The following MYO15A variants were observed in gnomAD, a reference collection of about 807,000 sequenced individuals.
MYO15A encodes unconventional myosin-XV.
A neutral mutation model predicts 394.6 loss-of-function variants in MYO15A; 308 were observed. That is an observed-to-expected ratio of 0.78 (90% CI 0.71 to 0.86). The LOEUF is 0.86. Ranked by LOEUF, MYO15A falls within the 40% of genes least tolerant of loss-of-function variation. The pLI is 0.00. For missense variants in MYO15A, 4,606 were observed against 4,799.1 expected, an observed-to-expected ratio of 0.96 and a Z score of 1.19; for synonymous variants, 1,957 against 2,003.8, an observed-to-expected ratio of 0.98 and a Z score of 0.62.
rs774652661 is a variant in MYO15A at position 18,149,585 on chromosome 17, G to A, written c.7212+5G>A. 1.2e-6 allele frequency: 2 copies of A among 1,613,750 alleles called. No homozygotes were observed. On this transcript the variant is annotated splice_donor_5th_base_variant and intron_variant, in intron 35 of 65. Coordinates refer to ENST00000647165, the MANE Select transcript of MYO15A (RefSeq NM_016239.4). ...GTGCTGTCCTACGGGGATGCGGTAG[G>A]GATGGTGTGGGGTGGGTCATTTGCA...
chr17:18,161,473 A>G, intron 57 of MYO15A, 26 bp downstream of exon 57: 3 of 1,612,042 alleles, frequency 1.9e-6, no homozygotes, highest in Non-Finnish European at 2.5e-6. Context: ...GTGGGAACCC[A>G]GGGCTGCATG....
chr17:18,154,606 C>T (rs1165980293), intron 44 of MYO15A, 74 bp from the exon 45 acceptor site: 5 of 1,495,904 alleles, frequency 3.3e-6, no homozygotes, highest in Non-Finnish European at 3.7e-6. Context: ...TTGCCACTCA[C>T]CCTAGTATAG....
In MYO15A at chr17:18,173,809, A is replaced by T. The variant is rs1232643039; in HGVS notation, c.10379A>T (p.Glu3460Val). 1 of 1,614,024 alleles carries T rather than the reference A, an allele frequency of 6.2e-7. No homozygotes were observed. The highest frequency in any genetic ancestry group is 8.5e-7 in the Non-Finnish European group (1 of 1,180,038). ...HELMVKFPLK[E>V]IQSTRTQRPT... ...TTGATGGTGAAGTTCCCCCTGAAGG[A>T]GATCCAGTCGACGCGGACCCAGCGG... Residue 3460 changes from glutamate (E) to valine (V), a missense_variant, in exon 65 of 66, where the codon GAG becomes GTG. Transcript: ENST00000647165.
chr17:18,154,253 G>GTT, intron 44 of MYO15A, 63 bp downstream of exon 44: 1 of 1,581,836 alleles, frequency 6.3e-7, no homozygotes, highest in Non-Finnish European at 8.7e-7. Flanking sequence ...ACGCAAAGAT[G>GTT]AGCTAGCTGC....
chr17:18,115,734 A>C (rs854770), intron 1 of MYO15A, among the ~76,000 whole-genome samples: 1 of 151,790 alleles, frequency 6.6e-6, no homozygotes, highest in Admixed American at 6.6e-5. Flanking sequence ...GGCCCTGCAC[A>C]TGTGCCCCTG....
At chr17:18,162,335 A>G (rs1006909006) in intron 57 of MYO15A, among the ~76,000 whole-genome samples, 4 of 152,182 alleles carry the variant, frequency 2.6e-5, no homozygotes, top group South Asian at 4.1e-4. Context: ...CAAGGGGACT[A>G]TGGGCTAGAT....
Position 18,119,665 on chromosome 17 carries a change from T to TA in MYO15A, c.866dup (p.Tyr289Ter). The change falls in exon 2 of 66, where the codon TAC (tyrosine) becomes TAAC (stop). Residue 289 changes from tyrosine (Y) to a stop codon, truncating the protein, a stop_gained and frameshift_variant. Coordinates refer to ENST00000647165, the MANE Select transcript of MYO15A (RefSeq NM_016239.4). LOFTEE classifies it high-confidence loss of function. ...YGYPPEDPYD[Y>*]YHPDYYGGPF... ...GTACCCGCCCGAGGATCCCTACGAC[T>TA]ACTACCACCCCGACTATTACGGTGG... The TA allele has an allele frequency of 6.2e-7, 1 of 1,605,844 alleles. No individual in the cohort carries two copies. The highest frequency in any genetic ancestry group is 8.5e-7 in the Non-Finnish European group (1 of 1,179,914).
In MYO15A at chr17:18,119,730, C is replaced by A; in HGVS notation, c.930C>A (p.Asp310Glu). The A allele has an allele frequency of 6.2e-7, 1 of 1,612,480 alleles. No homozygotes were observed. The highest frequency in any genetic ancestry group is 8.5e-7 in the Non-Finnish European group (1 of 1,179,992). The change falls in exon 2 of 66, where the codon GAC becomes GAA. Residue 310 changes from aspartate (D) to glutamate (E), a missense_variant. Physicochemically the swap from Asp to Glu is conservative, Grantham distance 45. Around this residue, in one of 2 missense-constraint regions of MYO15A, gnomAD observed 1,830 missense variants for 1,689.7 expected, o/e 1.08. Coordinates refer to ENST00000647165, the MANE Select transcript of MYO15A (RefSeq NM_016239.4). ...DPGYTYGYGY[D>E]DYEPPYAPPS... ...GGTACACCTACGGCTACGGCTACGA[C>A]GATTACGAACCCCCATATGCGCCCC... is the stretch of plus-strand genomic sequence containing the variant.
chr17:18,167,623 A>C lies in MYO15A; in HGVS notation c.9982A>C (p.Ser3328Arg), dbSNP rs376470294. The C allele has an allele frequency of 8.1e-6, 13 of 1,603,626 alleles. No homozygotes were observed. In the African/African-American group the frequency reaches 1.7e-4, roughly 21 times the overall value. Reference sequence around the variant, plus strand: ...TGACTACCTGAAGGGACTCTTCAGCAGTGTGCCGGCCAGCCGGCCCAGCGA... The same window carrying C: ...TGACTACCTGAAGGGACTCTTCAGCCGTGTGCCGGCCAGCCGGCCCAGCGA... The part of the protein sequence containing the change: ...LPDYLKGLFS[S>R]VPASRPSEQL... Residue 3328 changes from serine (S) to arginine (R), a missense_variant, in exon 62 of 66, where the codon AGT (serine) becomes CGT (arginine). Ser to Arg is a moderately radical substitution (Grantham distance 110). Around this residue, in one of 2 missense-constraint regions of MYO15A, gnomAD observed 2,776 missense variants for 3,109.3 expected, o/e 0.89. Transcript: ENST00000647165.
chr17:18,160,195 G>A (rs1311034495), intron 56 of MYO15A, among the ~76,000 whole-genome samples, 178 bp downstream of exon 56: 1 of 152,196 alleles, frequency 6.6e-6, no homozygotes, highest in African/African-American at 2.4e-5. Context: ...CACCATTTCT[G>A]CTCTCTGAAC....
chr17:18,118,482 G>A, intron 1 of MYO15A, 100 bp from the exon 2 acceptor site: 1 of 419,432 alleles, frequency 2.4e-6, no homozygotes, highest in Admixed American at 3.8e-5. Context: ...ATGTTGCCAT[G>A]ACGACTCCGA....
chr17:18,151,254 C>T lies in MYO15A; in HGVS notation c.7618C>T (p.Pro2540Ser). Residue 2540 changes from proline to serine, a missense_variant, in exon 39 of 66, where the codon CCT becomes TCT. Pro to Ser is a moderately conservative substitution (Grantham distance 74, BLOSUM62 -1). This residue lies in a region of MYO15A where 2,776 missense variants were observed against 3,109.3 expected (regional missense o/e 0.89). Coordinates refer to ENST00000647165, the MANE Select transcript of MYO15A (RefSeq NM_016239.4). ...PRLPIKPVAAPVLAQDQASPE... is the reference protein window; with the variant it reads ...PRLPIKPVAASVLAQDQASPE... ...GCTCCCCATCAAGCCTGTGGCTGCC[C>T]CTGTTCTAGCTCAGGATCAGGCTTC... is the stretch of plus-strand genomic sequence containing the variant. 2.5e-6 allele frequency: 4 copies of T among 1,614,214 alleles called. No individual in the cohort carries two copies. Among genetic ancestry groups the T allele is most frequent in the Non-Finnish European group, 3.4e-6 (4 of 1,180,040 alleles).
In MYO15A at chr17:18,147,752, GC is replaced by G. The variant is rs1367803041; in HGVS notation, c.6510-275del. On this transcript the variant is annotated intron_variant, in intron 30 of 65. Coordinates refer to ENST00000647165, the MANE Select transcript of MYO15A (RefSeq NM_016239.4). The surrounding 1 kb of genome is among the most constrained non-coding windows in gnomAD (Gnocchi z 4.4). ...GCTGGCCTGAGATACTTCTGGACTA[GC>G]CTGGGACCCTTTCAGTTTAGCCGTG... is the stretch of plus-strand genomic sequence containing the variant. Among the ~76,000 whole-genome samples, 1 of 152,140 alleles carries G rather than the reference GC, an allele frequency of 6.6e-6. No individual in the cohort carries two copies. The highest frequency in any genetic ancestry group is 1.5e-5 in the Non-Finnish European group (1 of 68,022).
intron 49 of MYO15A, 24 bp from the exon 50 acceptor site, chr17:18,157,132 T>A: frequency 6.2e-7 from 1 of 1,610,878 alleles, no homozygotes; most frequent in Non-Finnish European, 8.5e-7. Context: ...CCCTGGCAGA[T>A]GCTGACCCGA....
Position 18,144,597 on chromosome 17 carries a change from G to A in MYO15A, c.6273+5G>A. 6.2e-7 allele frequency: 1 copy of A among 1,611,020 alleles called. No homozygotes were observed. The highest frequency in any genetic ancestry group is 8.5e-7 in the Non-Finnish European group (1 of 1,179,886). The stretch of plus-strand genomic sequence containing the variant: ...GCCGTGAGCATCTTCAAGCTGGTAT[G>A]GGGTCTGCCCCAGCCCACCTTCTAA... On this transcript the variant is annotated splice_donor_5th_base_variant and intron_variant, in intron 29 of 65. Coordinates refer to ENST00000647165, the MANE Select transcript of MYO15A (RefSeq NM_016239.4).
intron 12 of MYO15A, 59 bp from the exon 13 acceptor site, chr17:18,135,646 TTTCATA>T: frequency 1.3e-6 from 2 of 1,512,034 alleles, no homozygotes. Context: ...CGGCCCTGTT[TTTCATA>T]TGAACTTTAA....
At chr17:18,122,519 G>T (rs1325828549) in intron 2 of MYO15A, 110 bp downstream of exon 2, 1 of 1,451,368 alleles carries the variant, frequency 6.9e-7, no homozygotes, top group African/African-American at 1.4e-5. Context: ...CTGCTTGCTG[G>T]GGCCTCAGTC....
chr17:18,172,632 G>A (rs997791507), intron 64 of MYO15A: 6 of 372,716 alleles, frequency 1.6e-5, no homozygotes, highest in Middle Eastern at 9.3e-4. Context: ...TCTGGAGGCT[G>A]GCGGTCCAAG....
At chr17:18,160,156 C>T (rs1467535133) in intron 56 of MYO15A, 139 bp downstream of exon 56, 26 of 821,258 alleles carry the variant, frequency 3.2e-5, no homozygotes, top group Non-Finnish European at 4.0e-5. Context: ...CAATAGAGCA[C>T]GTTTTTTGGA....
Sources: allele counts gnomAD v4.1 joint callset (sites outside exome capture counted in the v4.1 genomes callset), GRCh38; gene constraint gnomAD v4.1.1; regional missense constraint gnomAD v4.1.1; non-coding constraint Gnocchi (gnomAD v3.1); transcripts MANE v1.5; gene names NCBI Gene and HGNC (gene_info 2026-07-23, HGNC 2026-07-21).